Variants in PPP2R5E observed in about 807,000 individuals in gnomAD.
The protein encoded by PPP2R5E is serine/threonine-protein phosphatase 2A 56 kDa regulatory subunit epsilon isoform.
Under a neutral mutation model 65.3 loss-of-function variants are expected in PPP2R5E, and 4 were observed. The observed-to-expected ratio is 0.06, with a 90% CI of 0.03 to 0.14. The LOEUF (loss-of-function observed/expected upper bound fraction) is 0.14, where lower values mean the gene tolerates loss of function less well. PPP2R5E is among the 10% of genes least tolerant of loss of function. The pLI is 1.00. For synonymous variants in PPP2R5E, 183 were observed against 187.4 expected (o/e 0.98, Z 0.19); for missense variants, 274 against 556.1 (o/e 0.49, Z 5.10).
At chr14:63,467,222 C>CAAAA (rs767892639) in intron 2 of PPP2R5E, among the ~76,000 whole-genome samples, 1,900 of 113,820 alleles carry the variant, frequency 0.017, 263 homozygotes, top group African/African-American at 0.04. Flanking sequence ...GACTCCGTCT[C>CAAAA]AAAAAAAACA....
intron 2 of PPP2R5E, among the ~76,000 whole-genome samples, chr14:63,481,151 A>G (rs1890676226): frequency 6.6e-6 from 1 of 152,104 alleles, no homozygotes; most frequent in Non-Finnish European, 1.5e-5. Context: ...CCTATCTCTT[A>G]TTTATATAAT....
In PPP2R5E at chr14:63,476,249, C is replaced by T. The variant is rs138621828; in HGVS notation, c.158-22364G>A. ...TATTATTTCTTCTTCTTTTTCCCCC[C>T]CTTTTGCTTTTTGTTGTTGTTGTTG... is the stretch of plus-strand genomic sequence containing the variant. On this transcript the variant is annotated intron_variant, in intron 2 of 13. Coordinates refer to ENST00000337537, the MANE Select transcript of PPP2R5E (RefSeq NM_006246.5). Among the ~76,000 whole-genome samples the T allele has an allele frequency of 3.8e-3, 576 of 152,138 alleles. 2 individuals carry two copies. The highest frequency in any genetic ancestry group is 0.013 in the African/African-American group (543 of 41,500).
intron 2 of PPP2R5E, among the ~76,000 whole-genome samples, chr14:63,488,221 A>C (rs1411731153): frequency 6.6e-6 from 1 of 151,516 alleles, no homozygotes; most frequent in Admixed American, 6.6e-5. Flanking sequence ...TTTTTGAGAC[A>C]GGGCCTTGCT....
intron 3 of PPP2R5E, among the ~76,000 whole-genome samples, chr14:63,426,687 C>T (rs1265646592): frequency 1.4e-5 from 2 of 138,808 alleles, no homozygotes; most frequent in African/African-American, 5.5e-5. Flanking sequence ...TCCAGGAGTG[C>T]CAAAGGCTTA....
In PPP2R5E at chr14:63,419,382, T is replaced by G. The variant is rs892255752; in HGVS notation, c.456+2611A>C. On this transcript the variant is annotated intron_variant, in intron 4 of 13. Transcript: ENST00000337537. ...AAAGTGAAAAGGTCTAAAACTATGC[T>G]GTGTTTTGGTCAGAAAAATAGACAG... Among the ~76,000 whole-genome samples the G allele has an allele frequency of 2.6e-5, 4 of 152,204 alleles. No individual in the cohort carries two copies. The South Asian group carries it at 8.3e-4, about 31-fold the overall frequency.
At position 63,536,745 on chromosome 14, in the gene PPP2R5E, T is replaced by G. The variant is rs190942247; in HGVS notation, c.157+2784A>C. On this transcript the variant is annotated intron_variant, in intron 2 of 13. Transcript: ENST00000337537. Reference sequence around the variant, plus strand: ...CAACAGAGATGAACACTGAAGACACTTGACTAAGTGAAATAAGCCAGTCAC... The same window carrying G: ...CAACAGAGATGAACACTGAAGACACGTGACTAAGTGAAATAAGCCAGTCAC... 2.0e-5 allele frequency among the ~76,000 whole-genome samples: 3 copies of G among 152,322 alleles called. No individual in the cohort carries two copies. In the South Asian group the frequency reaches 6.2e-4, roughly 32 times the overall value.
Position 63,393,292 on chromosome 14 carries a change from C to T in PPP2R5E, c.849+528G>A, listed in dbSNP as rs190167678. Among the ~76,000 whole-genome samples the T allele has an allele frequency of 1.5e-3, 234 of 152,234 alleles. 1 individual carries two copies. Among genetic ancestry groups the T allele is most frequent in the South Asian group, 0.011 (53 of 4,824 alleles). On this transcript the variant is annotated intron_variant, in intron 8 of 13. Coordinates refer to ENST00000337537, the MANE Select transcript of PPP2R5E (RefSeq NM_006246.5). ...ATAAGTTCTCTGTAAAATAAAATGA[C>T]CAAACAAGGGTTCCTCCCACTTTAA... is the stretch of plus-strand genomic sequence containing the variant.
chr14:63,490,689 C>T (rs57670001), intron 2 of PPP2R5E, among the ~76,000 whole-genome samples: 22,187 of 151,994 alleles, frequency 0.15, 1,749 homozygotes, highest in East Asian at 0.21. Context: ...AACGAGATAC[C>T]ATCGCACACC....
intron 3 of PPP2R5E, among the ~76,000 whole-genome samples, chr14:63,423,094 T>C (rs1450223195): frequency 1.3e-5 from 2 of 152,190 alleles, no homozygotes; most frequent in African/African-American, 4.8e-5. Context: ...TATGTTACAA[T>C]ATTTCCTTTT....
intron 2 of PPP2R5E, among the ~76,000 whole-genome samples, chr14:63,494,065 T>C (rs1225570533): frequency 6.6e-6 from 1 of 152,082 alleles, no homozygotes; most frequent in Non-Finnish European, 1.5e-5. Context: ...TAAGAATGTA[T>C]CCTATAGACA....
intron 5 of PPP2R5E, among the ~76,000 whole-genome samples, chr14:63,402,798 A>G (rs1284218373): frequency 3.3e-5 from 5 of 152,202 alleles, no homozygotes; most frequent in Non-Finnish European, 7.3e-5. Context: ...ATGGAGACAG[A>G]AAAACAGAAA....
intron 2 of PPP2R5E, among the ~76,000 whole-genome samples, chr14:63,485,950 C>A (rs1240483428): frequency 6.6e-6 from 1 of 151,542 alleles, no homozygotes; most frequent in African/African-American, 2.4e-5. Context: ...CTGCCTCCAC[C>A]TCCCAAGTAG....
intron 2 of PPP2R5E, among the ~76,000 whole-genome samples, chr14:63,470,611 T>C (rs1356511223): frequency 6.6e-6 from 1 of 151,978 alleles, no homozygotes; most frequent in Non-Finnish European, 1.5e-5. Flanking sequence ...CTTCATCCAA[T>C]TGCATAATTT....
intron 3 of PPP2R5E, among the ~76,000 whole-genome samples, chr14:63,434,243 A>C (rs948030974): frequency 6.6e-6 from 1 of 152,224 alleles, no homozygotes; most frequent in Non-Finnish European, 1.5e-5. Flanking sequence ...TAACAGCAAA[A>C]AAACAAACAA....
chr14:63,531,546 C>T (rs530068307), intron 2 of PPP2R5E, among the ~76,000 whole-genome samples: 2 of 152,082 alleles, frequency 1.3e-5, no homozygotes, highest in Non-Finnish European at 2.9e-5. Flanking sequence ...ATTGCTTCCC[C>T]CCAAAAAAAT....
At chr14:63,520,327 G>A (rs1892847711) in intron 2 of PPP2R5E, among the ~76,000 whole-genome samples, 1 of 152,120 alleles carries the variant, frequency 6.6e-6, no homozygotes, top group Non-Finnish European at 1.5e-5. Flanking sequence ...GAGCCACCGC[G>A]CCCAGCCAAG....
rs1281577737 is a variant in PPP2R5E at position 63,508,021 on chromosome 14, T to C, written c.157+31508A>G. 7 of 415,570 alleles carry C rather than the reference T, an allele frequency of 1.7e-5. No individual in the cohort carries two copies. The East Asian group carries it at 1.1e-3, about 67-fold the overall frequency. The allele number at this position is 415,570 out of a possible 1,614,324, so 25.7% of individuals were successfully genotyped here. ...TGAGTCCCCTTTGTAGAGATCCAGC[T>C]TGAGTGGCACCTAATGCCTTTGGGA... On this transcript the variant is annotated intron_variant, in intron 2 of 13. Coordinates refer to ENST00000337537, the MANE Select transcript of PPP2R5E (RefSeq NM_006246.5).
intron 5 of PPP2R5E, among the ~76,000 whole-genome samples, chr14:63,410,284 T>C (rs1886323905): frequency 6.6e-6 from 1 of 152,076 alleles, no homozygotes; most frequent in Admixed American, 6.6e-5. Flanking sequence ...TCCTGATTTG[T>C]CAAAAGGAAA....
chr14:63,487,160 A>G (rs948269241), intron 2 of PPP2R5E, among the ~76,000 whole-genome samples: 3 of 152,244 alleles, frequency 2.0e-5, no homozygotes, highest in Non-Finnish European at 4.4e-5. Flanking sequence ...AGAATCTGAG[A>G]AAGTTATTTG....
Sources: allele counts gnomAD v4.1 joint callset (sites outside exome capture counted in the v4.1 genomes callset), GRCh38; gene constraint gnomAD v4.1.1; transcripts MANE v1.5; gene names NCBI Gene and HGNC (gene_info 2026-07-23, HGNC 2026-07-21).